GALNT18: variants seen among roughly 807,000 people sequenced by gnomAD.
GALNT18 encodes GalNAc-transferase 18.
In GALNT18, 44 loss-of-function variants were observed where a neutral mutation model predicts 69.5. That is an observed-to-expected ratio of 0.63 (90% CI 0.50 to 0.81). The LOEUF is 0.81. Ranked by LOEUF, GALNT18 falls within the 40% of genes least tolerant of loss-of-function variation. The pLI is 0.00. For missense variants in GALNT18, 715 were observed against 810.0 expected (o/e 0.88, Z 1.42); for synonymous variants, 364 against 318.2 (o/e 1.14, Z -1.53).
At position 11,583,015 on chromosome 11, in the gene GALNT18, G is replaced by A. The variant is rs1281526056; in HGVS notation, c.235+38344C>T. On this transcript the variant is annotated intron_variant, in intron 1 of 10. Coordinates refer to ENST00000227756, the MANE Select transcript of GALNT18 (RefSeq NM_198516.3). This position sits in a 1 kb window ranked among gnomAD's most constrained non-coding sequence, Gnocchi z 4.7. ...CTATTTTTATATCCCAAAATGAGAG[G>A]CATGGGACTCTAAGTCCTGCCAACA... 6.6e-6 allele frequency among the ~76,000 whole-genome samples: 1 copy of A among 152,238 alleles called. No homozygotes were observed. Among genetic ancestry groups the A allele is most frequent in the Admixed American group, 6.5e-5 (1 of 15,294 alleles).
chr11:11,457,213 T>C (rs1284416361), intron 1 of GALNT18, among the ~76,000 whole-genome samples: 1 of 152,112 alleles, frequency 6.6e-6, no homozygotes, highest in Non-Finnish European at 1.5e-5. Context: ...GACTGCACAA[T>C]GGAGTGGGGA....
rs906962985 is a variant in GALNT18, at chr11:11,341,262, C to G, written c.1093-258G>C. Among the ~76,000 whole-genome samples the G allele has an allele frequency of 6.6e-6, 1 of 152,166 alleles. No homozygotes were observed. The highest frequency in any genetic ancestry group is 2.4e-5 in the African/African-American group (1 of 41,432). ...AAAAAAATGAATGCACTTTTTCCCT[C>G]CACCTGTGAGCCCTACCCCACCAAA... On this transcript the variant is annotated intron_variant, in intron 6 of 10. Transcript: ENST00000227756. The surrounding 1 kb of genome is among the most constrained non-coding windows in gnomAD (Gnocchi z 6.3).
intron 1 of GALNT18, among the ~76,000 whole-genome samples, chr11:11,501,277 T>C (rs1276729162): frequency 6.6e-6 from 1 of 152,238 alleles, no homozygotes; most frequent in Non-Finnish European, 1.5e-5. Flanking sequence ...TTCAGTGTTA[T>C]TACTTTTGAA....
chr11:11,412,960 C>T (rs1854765348), intron 3 of GALNT18, among the ~76,000 whole-genome samples: 1 of 152,214 alleles, frequency 6.6e-6, no homozygotes, highest in African/African-American at 2.4e-5. Flanking sequence ...AATACCCCAG[C>T]TCCCTCCTCT....
intron 3 of GALNT18, among the ~76,000 whole-genome samples, chr11:11,420,746 C>T (rs969556299): frequency 6.6e-6 from 1 of 152,096 alleles, no homozygotes; most frequent in Admixed American, 6.5e-5. Flanking sequence ...GCACTGTGGC[C>T]CTAAGTAATG....
intron 9 of GALNT18, 78 bp from the exon 10 acceptor site, chr11:11,293,271 A>G: frequency 1.6e-6 from 2 of 1,225,812 alleles, no homozygotes; most frequent in South Asian, 3.6e-5. Flanking sequence ...TGATTCTTCC[A>G]GGCAGCTGGC....
At position 11,527,988 on chromosome 11, in the gene GALNT18, A is replaced by C. The variant is rs761856303; in HGVS notation, c.236-79052T>G. Among the ~76,000 whole-genome samples the C allele has an allele frequency of 3.4e-4, 52 of 152,220 alleles. 1 individual carries two copies. Among genetic ancestry groups the C allele is most frequent in the Non-Finnish European group, 5.6e-4 (38 of 68,042 alleles). Reference sequence around the variant, plus strand: ...CCAGATACTGTGCTAAGCACTTAGCATGGGTTATCTTATTTAATACTCATA... The same window carrying C: ...CCAGATACTGTGCTAAGCACTTAGCCTGGGTTATCTTATTTAATACTCATA... On this transcript the variant is annotated intron_variant, in intron 1 of 10. Coordinates refer to ENST00000227756, the MANE Select transcript of GALNT18 (RefSeq NM_198516.3).
intron 1 of GALNT18, among the ~76,000 whole-genome samples, chr11:11,530,948 C>G (rs1462622898): frequency 6.6e-6 from 1 of 152,132 alleles, no homozygotes; most frequent in Non-Finnish European, 1.5e-5. Context: ...CTGGGGGCCT[C>G]AAGGAGACAA....
At chr11:11,518,059 G>A (rs1235818024) in intron 1 of GALNT18, among the ~76,000 whole-genome samples, 1 of 152,186 alleles carries the variant, frequency 6.6e-6, no homozygotes, top group Non-Finnish European at 1.5e-5. Flanking sequence ...CAGTCTCCAA[G>A]GTGGCAGAGC....
intron 1 of GALNT18, among the ~76,000 whole-genome samples, chr11:11,464,236 CA>C (rs959650807): frequency 1.3e-5 from 2 of 152,204 alleles, no homozygotes; most frequent in African/African-American, 4.8e-5. Flanking sequence ...TTTTGCTCCA[CA>C]AATGGATTTT....
rs1055640517 is a variant in GALNT18 at position 11,377,725 on chromosome 11, G to C, written c.780-346C>G. Among the ~76,000 whole-genome samples the C allele has an allele frequency of 2.0e-5, 3 of 152,050 alleles. No individual in the cohort carries two copies. The highest frequency in any genetic ancestry group is 4.4e-5 in the Non-Finnish European group (3 of 68,012). ...AGAAAAAGAAGAAAGAAACAGATCT[G>C]AGGCTCCAGAAAAAGCTTTCACCTT... On this transcript the variant is annotated intron_variant, in intron 4 of 10. Coordinates refer to ENST00000227756, the MANE Select transcript of GALNT18 (RefSeq NM_198516.3). This position sits in a 1 kb window ranked among gnomAD's most constrained non-coding sequence, Gnocchi z 4.6.
At position 11,339,836 on chromosome 11, in the gene GALNT18, T is replaced by C. The variant is rs1474368738; in HGVS notation, c.1278+983A>G. Among the ~76,000 whole-genome samples the C allele has an allele frequency of 6.6e-6, 1 of 152,182 alleles. No individual in the cohort carries two copies. Among genetic ancestry groups the C allele is most frequent in the Non-Finnish European group, 1.5e-5 (1 of 68,030 alleles). ...CCCACCCATGAACCAGTCAACTTCCTCAATCATTTAACCAGAGCAACATTA... is the reference window on the plus strand; with the variant it reads ...CCCACCCATGAACCAGTCAACTTCCCCAATCATTTAACCAGAGCAACATTA... On this transcript the variant is annotated intron_variant, in intron 7 of 10. Transcript: ENST00000227756. The surrounding 1 kb of genome is among the most constrained non-coding windows in gnomAD (Gnocchi z 5.2).
chr11:11,501,645 C>T (rs532326888), intron 1 of GALNT18, among the ~76,000 whole-genome samples: 3 of 152,208 alleles, frequency 2.0e-5, no homozygotes, highest in Admixed American at 2.0e-4. Context: ...TCTACCTTGC[C>T]TGAGTTTGTG....
In GALNT18 at chr11:11,396,964, G is replaced by A. The variant is rs1010897951; in HGVS notation, c.596-17700C>T. Among the ~76,000 whole-genome samples the A allele has an allele frequency of 1.3e-5, 2 of 152,090 alleles. No individual in the cohort carries two copies. Among genetic ancestry groups the A allele is most frequent in the African/African-American group, 2.4e-5 (1 of 41,408 alleles). On this transcript the variant is annotated intron_variant, in intron 3 of 10. Coordinates refer to ENST00000227756, the MANE Select transcript of GALNT18 (RefSeq NM_198516.3). This position sits in a 1 kb window ranked among gnomAD's most constrained non-coding sequence, Gnocchi z 5.2. Reference sequence around the variant, plus strand: ...AGTTCTCTCCCCTGTGCATCTTGGGGGTCTCTGGGAGTCAGAGGAAACCTA... The same window carrying A: ...AGTTCTCTCCCCTGTGCATCTTGGGAGTCTCTGGGAGTCAGAGGAAACCTA...
chr11:11,277,898 G>T (rs1848983714), intron 10 of GALNT18, among the ~76,000 whole-genome samples: 1 of 152,166 alleles, frequency 6.6e-6, no homozygotes, highest in Non-Finnish European at 1.5e-5. Flanking sequence ...TTTTGCAATT[G>T]CTGAGGAGTG....
chr11:11,513,430 C>T (rs1857202952), intron 1 of GALNT18, among the ~76,000 whole-genome samples: 1 of 152,182 alleles, frequency 6.6e-6, no homozygotes, highest in South Asian at 2.1e-4. Flanking sequence ...TTTTTCAACC[C>T]TCCACTGGCC....
chr11:11,346,015 C>G (rs1324905877), intron 6 of GALNT18, among the ~76,000 whole-genome samples: 1 of 152,250 alleles, frequency 6.6e-6, no homozygotes, highest in Non-Finnish European at 1.5e-5. Context: ...TTTCTTCTCT[C>G]TGTGCCTTTG....
Position 11,592,420 on chromosome 11 carries a change from G to A in GALNT18, c.235+28939C>T, listed in dbSNP as rs1290569904. On this transcript the variant is annotated intron_variant, in intron 1 of 10. Coordinates refer to ENST00000227756, the MANE Select transcript of GALNT18 (RefSeq NM_198516.3). This position sits in a 1 kb window ranked among gnomAD's most constrained non-coding sequence, Gnocchi z 5.9. ...AATGTTTGAGCAATTCATCCTTCCC[G>A]CAACTGTCCTCCACTTTCCAGGCAA... Among the ~76,000 whole-genome samples, 1 of 152,082 alleles carries A rather than the reference G, an allele frequency of 6.6e-6. No homozygotes were observed.
At chr11:11,557,730 C>T (rs1194845719) in intron 1 of GALNT18, among the ~76,000 whole-genome samples, 1 of 152,180 alleles carries the variant, frequency 6.6e-6, no homozygotes, top group East Asian at 1.9e-4. Context: ...AAAGCAATGG[C>T]ATCTGAGGTT....
Sources: allele counts gnomAD v4.1 joint callset (sites outside exome capture counted in the v4.1 genomes callset), GRCh38; gene constraint gnomAD v4.1.1; non-coding constraint Gnocchi (gnomAD v3.1); transcripts MANE v1.5; gene names NCBI Gene and HGNC (gene_info 2026-07-23, HGNC 2026-07-21).